ADAM20: variants seen among roughly 807,000 people sequenced by gnomAD.
ADAM20 encodes the protein ADAM metallopeptidase domain 20, also known as disintegrin and metalloproteinase domain-containing protein 20.
For synonymous variants in ADAM20, 305 were observed against 310.2 expected, an observed-to-expected ratio of 0.98 and a Z score of 0.18; for missense variants, 871 against 883.2, an observed-to-expected ratio of 0.99 and a Z score of 0.18.
chr14:70,534,430 T>G (rs1883787132), intron 1 of ADAM20, among the ~76,000 whole-genome samples: 1 of 152,122 alleles, frequency 6.6e-6, no homozygotes, highest in South Asian at 2.1e-4. Flanking sequence ...GCAGCATTAT[T>G]TACAATAACC....
At chr14:70,539,363 T>C (rs1354485541), upstream of ADAM20, among the ~76,000 whole-genome samples, 1 of 152,232 alleles carries the variant, frequency 6.6e-6, no homozygotes, top group Non-Finnish European at 1.5e-5. Flanking sequence ...ATCACCAAGA[T>C]TCCTATCCCA....
the ADAM20 span, among the ~76,000 whole-genome samples, chr14:70,544,695 T>A: frequency 6.6e-6 from 1 of 152,116 alleles, no homozygotes; most frequent in Non-Finnish European, 1.5e-5. Flanking sequence ...AATATTGAAT[T>A]TTCTCATCAT....
At chr14:70,554,453 T>G in the ADAM20 span, among the ~76,000 whole-genome samples, 34 of 152,320 alleles carry the variant, frequency 2.2e-4, no homozygotes, top group African/African-American at 7.9e-4. Context: ...ACTGCAGCAT[T>G]ATTCACATAG....
chr14:70,522,803 C>T lies in ADAM20; in HGVS notation c.1955G>A (p.Cys652Tyr). The change falls in exon 2 of 2, where the codon TGT (cysteine) becomes TAT (tyrosine). Residue 652 changes from cysteine to tyrosine, a missense_variant. Cys to Tyr is a radical substitution (Grantham distance 194, BLOSUM62 -2). Coordinates refer to ENST00000256389, the MANE Select transcript of ADAM20 (RefSeq NM_003814.5). Reference protein sequence around the residue: ...MRGICNNKQHCHCNHEWAPPY... With the variant: ...MRGICNNKQHYHCNHEWAPPY... ...GGGTGCCCATTCATGGTTGCAGTGA[C>T]AGTGTTGTTTGTTGTTGCAGATTCC... 2 of 1,614,014 alleles carry T rather than the reference C, an allele frequency of 1.2e-6. No individual in the cohort carries two copies. Among genetic ancestry groups the T allele is most frequent in the Non-Finnish European group, 1.7e-6 (2 of 1,179,928 alleles).
the ADAM20 span, among the ~76,000 whole-genome samples, chr14:70,544,714 G>A: frequency 6.6e-6 from 1 of 151,956 alleles, no homozygotes; most frequent in East Asian, 1.9e-4. Context: ...ATAAAGAAAT[G>A]ATAAATGTCT....
In ADAM20 at chr14:70,524,828, G is replaced by C. The variant is rs755738554; in HGVS notation, c.-71C>G. 8.1e-6 allele frequency: 13 copies of C among 1,613,268 alleles called. No individual in the cohort carries two copies. In the Admixed American group the frequency reaches 2.2e-4, roughly 27 times the overall value. ...CAAGGTGTGAGGCACTGCTGGTCTGGCTCCTCCCTCTGAGCTGTTCAGGGT... is the reference window on the plus strand; with the variant it reads ...CAAGGTGTGAGGCACTGCTGGTCTGCCTCCTCCCTCTGAGCTGTTCAGGGT... On this transcript the variant is annotated 5_prime_UTR_variant, in exon 2 of 2. Coordinates refer to ENST00000256389, the MANE Select transcript of ADAM20 (RefSeq NM_003814.5).
chr14:70,558,567 C>T, the ADAM20 span, among the ~76,000 whole-genome samples: 1 of 151,978 alleles, frequency 6.6e-6, no homozygotes, highest in Non-Finnish European at 1.5e-5. Flanking sequence ...CATTGTCCAG[C>T]TGGGAGAAAC....
the ADAM20 span, among the ~76,000 whole-genome samples, chr14:70,547,072 T>C: frequency 1.3e-5 from 2 of 152,332 alleles, no homozygotes; most frequent in East Asian, 1.9e-4. Flanking sequence ...TGAGCAACTA[T>C]ATGCCAATAA....
At chr14:70,546,700 A>C in the ADAM20 span, among the ~76,000 whole-genome samples, 1 of 152,182 alleles carries the variant, frequency 6.6e-6, no homozygotes, top group Non-Finnish European at 1.5e-5. Context: ...ACCTACATCA[A>C]CAAAAAGGAA....
At chr14:70,565,788 G>T in the ADAM20 span, among the ~76,000 whole-genome samples, 1 of 152,282 alleles carries the variant, frequency 6.6e-6, no homozygotes, top group East Asian at 1.9e-4. Flanking sequence ...CTGATGTAAA[G>T]TATACAGGAA....
the ADAM20 span, among the ~76,000 whole-genome samples, chr14:70,554,523 TAGACACACACACACAC>T: frequency 6.6e-5 from 10 of 151,968 alleles, no homozygotes; most frequent in East Asian, 1.9e-4. Flanking sequence ...GAAATTGTGA[TAGACACACACACACAC>T]AGACACACAC....
the ADAM20 span, among the ~76,000 whole-genome samples, chr14:70,567,649 C>T: frequency 4.6e-5 from 7 of 152,068 alleles, no homozygotes; most frequent in Admixed American, 1.3e-4. Flanking sequence ...ACTCGAATGG[C>T]GGGGCCTAAC....
the ADAM20 span, among the ~76,000 whole-genome samples, chr14:70,544,617 G>C: frequency 5.3e-5 from 8 of 151,974 alleles, no homozygotes; most frequent in Admixed American, 6.5e-5. Flanking sequence ...TAAAAACTAA[G>C]AATGAAAGTA....
the ADAM20 span, among the ~76,000 whole-genome samples, chr14:70,574,527 C>T: frequency 6.6e-6 from 1 of 151,962 alleles, no homozygotes. Flanking sequence ...GTAGTCCCAG[C>T]TACTCAGGAG....
chr14:70,534,227 C>T (rs959300165), intron 1 of ADAM20, among the ~76,000 whole-genome samples: 34 of 151,312 alleles, frequency 2.2e-4, no homozygotes, highest in African/African-American at 8.3e-4. Flanking sequence ...AATTCTCATG[C>T]TTAAAAAAAA....
At chr14:70,546,927 A>G in the ADAM20 span, among the ~76,000 whole-genome samples, 5 of 152,324 alleles carry the variant, frequency 3.3e-5, no homozygotes, top group South Asian at 1.0e-3. Context: ...TTTTTTGAAT[A>G]GTTAAGCAAA....
At chr14:70,557,547 T>G in the ADAM20 span, 1 of 152,214 alleles carries the variant, frequency 6.6e-6, no homozygotes, top group South Asian at 2.1e-4. Flanking sequence ...CTCAAGAAAA[T>G]GTCATTAGGA....
the ADAM20 span, among the ~76,000 whole-genome samples, chr14:70,570,713 C>T: frequency 6.6e-6 from 1 of 152,096 alleles, no homozygotes; most frequent in African/African-American, 2.4e-5. Flanking sequence ...ACCAATCTTA[C>T]TGAAACTGTT....
the ADAM20 span, among the ~76,000 whole-genome samples, chr14:70,571,393 G>A: frequency 1.3e-4 from 20 of 152,276 alleles, no homozygotes; most frequent in East Asian, 9.6e-4. Context: ...GGCTTCCCCC[G>A]CCACCTTCTC....
Sources: gnomAD v4.1 joint callset for allele counts (sites outside exome capture counted in the v4.1 genomes callset) on GRCh38, gnomAD v4.1.1 for gene constraint, MANE v1.5 for transcripts, NCBI Gene and HGNC (gene_info 2026-07-23, HGNC 2026-07-21) for gene names.